Variants in MORN4 observed in about 807,000 individuals in gnomAD.
The protein encoded by MORN4 is MORN repeat containing 4, also known as MORN repeat-containing protein 4.
A neutral mutation model predicts 16.4 loss-of-function variants in MORN4; 8 were observed. That is an observed-to-expected ratio of 0.49 (90% CI 0.29 to 0.88). The LOEUF (loss-of-function observed/expected upper bound fraction) is 0.88. Among genes scored for constraint, MORN4 ranks in the 40% least tolerant of loss-of-function variants. The pLI is 0.09. For synonymous variants in MORN4, 53 were observed against 68.9 expected, an observed-to-expected ratio of 0.77 and a Z score of 1.14; for missense variants, 159 against 182.9, an observed-to-expected ratio of 0.87 and a Z score of 0.75.
chr10:97,632,529 T>G (rs1462740752), intron 1 of MORN4, among the ~76,000 whole-genome samples: 1 of 152,130 alleles, frequency 6.6e-6, no homozygotes, highest in African/African-American at 2.4e-5. Flanking sequence ...AATATTTTTT[T>G]TTAAGTGTTT....
chr10:97,622,305 G>A lies in MORN4; in HGVS notation c.-30-2622C>T, dbSNP rs114593548. Among the ~76,000 whole-genome samples the A allele has an allele frequency of 3.8e-3, 577 of 152,256 alleles. 3 individuals carry two copies. The highest frequency in any genetic ancestry group is 0.013 in the African/African-American group (558 of 41,542). ...TGGGAGCAGAAGGAACAACTGGGGG[G>A]ATACATCATAGGAAAACAATCAGTA... On this transcript the variant is annotated intron_variant, in intron 1 of 4. Coordinates refer to ENST00000307450, the MANE Select transcript of MORN4 (RefSeq NM_178832.4).
In MORN4 at chr10:97,617,244, T is replaced by C. The variant is rs748157298; in HGVS notation, c.146A>G (p.Asn49Ser). ...YLGHFENGLF[N>S]GFGVLTFSDG... ...TGAGAAGGTCAATACCCCAAAGCCATTAAAGAGCCCATTCTCAAAATGACC... is the reference window on the plus strand; with the variant it reads ...TGAGAAGGTCAATACCCCAAAGCCACTAAAGAGCCCATTCTCAAAATGACC... The change falls in exon 3 of 5, where the codon AAT (asparagine) becomes AGT (serine). Residue 49 changes from asparagine (N) to serine (S), a missense_variant. Coordinates refer to ENST00000307450, the MANE Select transcript of MORN4 (RefSeq NM_178832.4). 1.2e-6 allele frequency: 2 copies of C among 1,613,974 alleles called. No homozygotes were observed. The highest frequency in any genetic ancestry group is 2.2e-5 in the East Asian group (1 of 44,892).
chr10:97,630,359 G>A (rs931187480), intron 1 of MORN4, among the ~76,000 whole-genome samples: 1 of 152,134 alleles, frequency 6.6e-6, no homozygotes. Context: ...GAGCCACCGC[G>A]CCTGGCCACA....
intron 1 of MORN4, among the ~76,000 whole-genome samples, chr10:97,627,207 G>C (rs1359810114): frequency 2.6e-5 from 4 of 151,394 alleles, no homozygotes; most frequent in African/African-American, 9.7e-5. Context: ...GCAGTGGCTC[G>C]ATCTCAGCTC....
At chr10:97,621,864 A>T (rs564497315) in intron 1 of MORN4, among the ~76,000 whole-genome samples, 43 of 140,964 alleles carry the variant, frequency 3.1e-4, no homozygotes, top group Admixed American at 2.5e-3. Context: ...GGCTCTGTCT[A>T]AAAAAAAAAA....
intron 1 of MORN4, among the ~76,000 whole-genome samples, chr10:97,622,638 G>A (rs1163010489): frequency 1.4e-5 from 2 of 143,158 alleles, no homozygotes; most frequent in African/African-American, 2.8e-5. Context: ...GAAGTGCAGT[G>A]AGCCAAGATC....
intron 1 of MORN4, among the ~76,000 whole-genome samples, chr10:97,626,388 TAA>T (rs2041346706): frequency 2.2e-5 from 2 of 91,826 alleles, no homozygotes; most frequent in African/African-American, 1.2e-4. Context: ...AAAATAATAA[TAA>T]TAATAATCAT....
chr10:97,621,242 C>T (rs1292042543), intron 1 of MORN4, among the ~76,000 whole-genome samples: 1 of 152,158 alleles, frequency 6.6e-6, no homozygotes, highest in African/African-American at 2.4e-5. Context: ...TGTTGACAGC[C>T]TCCCCTGACT....
chr10:97,621,057 G>A (rs972692343), intron 1 of MORN4, among the ~76,000 whole-genome samples: 2 of 151,862 alleles, frequency 1.3e-5, no homozygotes, highest in African/African-American at 4.8e-5. Context: ...GGAGGCAGAG[G>A]TTGCAGTGAG....
At chr10:97,617,905 C>T (rs1379349044) in intron 2 of MORN4, among the ~76,000 whole-genome samples, 3 of 152,076 alleles carry the variant, frequency 2.0e-5, no homozygotes, top group African/African-American at 7.2e-5. Context: ...GGCGCAGTGA[C>T]TCACGCCTGT....
chr10:97,616,776 T>TC lies in MORN4; in HGVS notation c.193dup (p.Glu65GlyfsTer8). ...GCCATTAAACTTGCCCTGGGCAAAC[T>TC]CCCCCTCATACCTGCAGAAACACCA... On this transcript the variant is annotated frameshift_variant, in exon 4 of 5. Coordinates refer to ENST00000307450, the MANE Select transcript of MORN4 (RefSeq NM_178832.4). LOFTEE classifies it high-confidence loss of function. 1 of 1,612,322 alleles carries TC rather than the reference T, an allele frequency of 6.2e-7. No homozygotes were observed. The highest frequency in any genetic ancestry group is 8.5e-7 in the Non-Finnish European group (1 of 1,178,498).
intron 1 of MORN4, among the ~76,000 whole-genome samples, chr10:97,626,308 T>C (rs1447281145): frequency 3.3e-5 from 5 of 150,930 alleles, no homozygotes; most frequent in Admixed American, 6.6e-5. Flanking sequence ...ATCTGGGAGG[T>C]GGAGGTTGCA....
intron 1 of MORN4, among the ~76,000 whole-genome samples, chr10:97,628,827 C>G (rs1589923860): frequency 1.3e-5 from 2 of 152,284 alleles, no homozygotes; most frequent in South Asian, 4.1e-4. Flanking sequence ...CCACCACGCC[C>G]AGCCCCTAAC....
In MORN4 at chr10:97,617,295, A is replaced by G. The variant is rs1383810143; in HGVS notation, c.95T>C (p.Met32Thr). ...CAGGTAGGTGCCACCATCTGCAAACATCAGTTGACCAAAACCATGCCTGCG... is the reference window on the plus strand; with the variant it reads ...CAGGTAGGTGCCACCATCTGCAAACGTCAGTTGACCAAAACCATGCCTGCG... ...EGRRHGFGQL[M>T]FADGGTYLGH... The change falls in exon 3 of 5, where the codon ATG becomes ACG. Residue 32 changes from methionine to threonine, a missense_variant. Physicochemically the swap from Met to Thr is moderately conservative, Grantham distance 81. Coordinates refer to ENST00000307450, the MANE Select transcript of MORN4 (RefSeq NM_178832.4). 6.2e-6 allele frequency: 10 copies of G among 1,614,060 alleles called. No individual in the cohort carries two copies.
At chr10:97,624,194 CA>C (rs1352501003) in intron 1 of MORN4, among the ~76,000 whole-genome samples, 10 of 152,134 alleles carry the variant, frequency 6.6e-5, no homozygotes, top group African/African-American at 2.4e-5. Flanking sequence ...ATATTTTATG[CA>C]AAAGTGATGC....
At chr10:97,619,861 T>C (rs1013167464) in intron 1 of MORN4, among the ~76,000 whole-genome samples, 178 bp from the exon 2 acceptor site, 2 of 152,170 alleles carry the variant, frequency 1.3e-5, no homozygotes, top group Non-Finnish European at 2.9e-5. Context: ...TCTCCACCTC[T>C]GCCCAAGTGC....
Position 97,633,398 on chromosome 10 carries a change from G to A in MORN4, c.-82C>T. On this transcript the variant is annotated 5_prime_UTR_variant, in exon 1 of 5. Transcript: ENST00000307450. This position sits in a 1 kb window ranked among gnomAD's most constrained non-coding sequence, Gnocchi z 4.5. The stretch of plus-strand genomic sequence containing the variant: ...TCACGCCTGGACGCAGGGTTCCAGC[G>A]CCTCGGACTTTTCCTCTGATGGGCT... 1 of 1,289,846 alleles carries A rather than the reference G, an allele frequency of 7.8e-7. No homozygotes were observed. The highest frequency in any genetic ancestry group is 1.0e-6 in the Non-Finnish European group (1 of 988,868). The allele number at this position is 1,289,846 out of a possible 1,614,324, so 79.9% of individuals were successfully genotyped here.
intron 1 of MORN4, among the ~76,000 whole-genome samples, chr10:97,627,543 G>T (rs569882464): frequency 6.6e-6 from 1 of 152,286 alleles, no homozygotes; most frequent in South Asian, 2.1e-4. Context: ...CATCTTCTAC[G>T]CCCTGGCTCT....
chr10:97,623,029 C>A (rs182467628), intron 1 of MORN4, among the ~76,000 whole-genome samples: 1 of 151,866 alleles, frequency 6.6e-6, no homozygotes, highest in Non-Finnish European at 1.5e-5. Context: ...GGACTACAGG[C>A]GCACACTACC....
Sources: allele counts gnomAD v4.1 joint callset (sites outside exome capture counted in the v4.1 genomes callset), GRCh38; gene constraint gnomAD v4.1.1; non-coding constraint Gnocchi (gnomAD v3.1); transcripts MANE v1.5; gene names NCBI Gene and HGNC (gene_info 2026-07-23, HGNC 2026-07-21).